The following MYO1B variants were observed in gnomAD, a reference collection of about 807,000 sequenced individuals.
The protein encoded by MYO1B is myosin IB, also known as unconventional myosin-Ib.
Under a neutral mutation model 159.7 loss-of-function variants are expected in MYO1B, and 72 were observed. The ratio of observed to expected loss-of-function variants is 0.45; its 90% confidence interval spans 0.37 to 0.55. The LOEUF (loss-of-function observed/expected upper bound fraction) is 0.55, where lower values mean the gene tolerates loss of function less well. Among genes scored for constraint, MYO1B ranks in the 20% least tolerant of loss-of-function variants. The probability of loss-of-function intolerance (pLI) is 0.00; values close to 1 mark genes in which losing one functional copy is unlikely to be tolerated. For missense variants in MYO1B, 1,062 were observed against 1,364.8 expected, an observed-to-expected ratio of 0.78 and a Z score of 3.50; for synonymous variants, 468 against 473.8, an observed-to-expected ratio of 0.99 and a Z score of 0.16.
At chr2:191,419,010 G>C (rs1007111899) in intron 30 of MYO1B, among the ~76,000 whole-genome samples, 7 of 152,166 alleles carry the variant, frequency 4.6e-5, no homozygotes, top group Non-Finnish European at 1.0e-4. Flanking sequence ...CCCTAAGATT[G>C]TAATGGAGCT....
At chr2:191,269,247 C>T (rs1446073062) in intron 1 of MYO1B, among the ~76,000 whole-genome samples, 3 of 152,132 alleles carry the variant, frequency 2.0e-5, no homozygotes, top group South Asian at 4.1e-4. Context: ...TAAGTGGGAT[C>T]GTATATTTCT....
rs759184653 is a variant in MYO1B, at chr2:191,387,262, T to C, written c.1593T>C (p.Asn531=). The C allele has an allele frequency of 1.1e-5, 18 of 1,614,044 alleles. No homozygotes were observed. The Admixed American group carries it at 1.2e-4, about 10-fold the overall frequency. The change falls in exon 17 of 31, where the codon AAT becomes AAC. Residue 531 remains asparagine, a synonymous_variant. Coordinates refer to ENST00000392318, the MANE Select transcript of MYO1B (RefSeq NM_001130158.3). ...YQVEGFVDKN[N]DLLYRDLSQA... ...TGGAAGGATTCGTTGACAAAAACAA[T>C]GACCTTCTCTATCGAGACCTGTCCC... is the stretch of plus-strand genomic sequence containing the variant.
chr2:191,390,061 A>G lies in MYO1B; in HGVS notation c.1782-231A>G, dbSNP rs377620824. Among the ~76,000 whole-genome samples, 16 of 152,324 alleles carry G rather than the reference A, an allele frequency of 1.1e-4. No individual in the cohort carries two copies. The East Asian group carries it at 2.5e-3, about 24-fold the overall frequency. On this transcript the variant is annotated intron_variant, in intron 17 of 30. Coordinates refer to ENST00000392318, the MANE Select transcript of MYO1B (RefSeq NM_001130158.3). ...TGAAATGTCAGTGATACTTATCCAC[A>G]TTATTGCATTTATTAGTGTGTTCTT...
chr2:191,307,756 C>T (rs1689740763), intron 3 of MYO1B, among the ~76,000 whole-genome samples: 1 of 152,184 alleles, frequency 6.6e-6, no homozygotes. Flanking sequence ...TTTCCATGAT[C>T]CTCAGGTTCA....
chr2:191,328,326 A>G (rs1383984481), intron 3 of MYO1B, among the ~76,000 whole-genome samples: 1 of 152,344 alleles, frequency 6.6e-6, no homozygotes, highest in East Asian at 1.9e-4. Flanking sequence ...ACTTGGCCAA[A>G]TATACACTCT....
chr2:191,407,928 T>C (rs1157841509), intron 24 of MYO1B, 187 bp from the exon 25 acceptor site: 1 of 412,890 alleles, frequency 2.4e-6, no homozygotes, highest in Non-Finnish European at 4.3e-6. Context: ...TCATTTTACA[T>C]TTCTTAATTT....
At chr2:191,349,120 A>G (rs1692754296) in intron 6 of MYO1B, among the ~76,000 whole-genome samples, 2 of 152,280 alleles carry the variant, frequency 1.3e-5, no homozygotes, top group African/African-American at 4.8e-5. Context: ...ACCTGTCTCA[A>G]TTCCCCCGCT....
At chr2:191,275,500 A>G (rs959971508) in intron 1 of MYO1B, among the ~76,000 whole-genome samples, 6 of 152,196 alleles carry the variant, frequency 3.9e-5, no homozygotes, top group Admixed American at 3.9e-4. Flanking sequence ...AACCAGACCA[A>G]CTAAATGTAG....
chr2:191,299,760 A>G (rs953541348), intron 3 of MYO1B, among the ~76,000 whole-genome samples: 1 of 152,232 alleles, frequency 6.6e-6, no homozygotes, highest in Non-Finnish European at 1.5e-5. Flanking sequence ...GAAAAACTTC[A>G]ACTCAGAGAA....
At chr2:191,263,970 A>C (rs755363696) in intron 1 of MYO1B, among the ~76,000 whole-genome samples, 1 of 152,184 alleles carries the variant, frequency 6.6e-6, no homozygotes, top group Non-Finnish European at 1.5e-5. Context: ...ATTTGTTTGT[A>C]GTGTCTTTTG....
intron 7 of MYO1B, among the ~76,000 whole-genome samples, chr2:191,355,507 A>C (rs1693216181): frequency 6.6e-6 from 1 of 152,170 alleles, no homozygotes; most frequent in African/African-American, 2.4e-5. Flanking sequence ...AAGGTTGAGG[A>C]AAGTGGCTTT....
At chr2:191,386,294 TG>T (rs1695395480) in intron 16 of MYO1B, among the ~76,000 whole-genome samples, 1 of 152,240 alleles carries the variant, frequency 6.6e-6, no homozygotes. Context: ...GCAAAGCTAA[TG>T]GACTTAATGA....
rs1417479923 is a variant in MYO1B at position 191,408,197 on chromosome 2, G to C, written c.2631+8G>C. On this transcript the variant is annotated splice_region_variant and intron_variant, in intron 25 of 30. Transcript: ENST00000392318. ...TTTACGCTTCAGAGAATTGTAAGTT[G>C]ACACTTTATATCTGTGGATAATCAG... 2 of 1,599,766 alleles carry C rather than the reference G, an allele frequency of 1.3e-6. No individual in the cohort carries two copies. Among genetic ancestry groups the C allele is most frequent in the East Asian group, 4.5e-5 (2 of 44,744 alleles).
chr2:191,341,645 GCTGGGAGGTATT>G, intron 5 of MYO1B, 80 bp downstream of exon 5: 1 of 1,083,444 alleles, frequency 9.2e-7, no homozygotes, highest in Non-Finnish European at 1.4e-6. Flanking sequence ...TACCTGGTCT[GCTGGGAGGTATT>G]CTGGGAGGGA....
At chr2:191,377,939 A>G (rs1181536130) in intron 13 of MYO1B, 1 of 151,878 alleles carries the variant, frequency 6.6e-6, no homozygotes. Flanking sequence ...ATAGATGCTG[A>G]TTTCTGTGGG....
intron 1 of MYO1B, among the ~76,000 whole-genome samples, chr2:191,256,694 A>T (rs1686472702): frequency 6.6e-6 from 1 of 152,220 alleles, no homozygotes; most frequent in Non-Finnish European, 1.5e-5. Context: ...TTACCTCTGT[A>T]CTAATAATAT....
intron 22 of MYO1B, 72 bp downstream of exon 22, chr2:191,400,540 A>C (rs935347111): frequency 1.0e-5 from 16 of 1,539,838 alleles, no homozygotes; most frequent in Non-Finnish European, 1.4e-5. Context: ...CCTCGGCTTC[A>C]GGGGCAGAAA....
At chr2:191,355,881 A>G (rs1339602956) in intron 7 of MYO1B, among the ~76,000 whole-genome samples, 1 of 152,168 alleles carries the variant, frequency 6.6e-6, no homozygotes, top group Non-Finnish European at 1.5e-5. Context: ...GATGGAACAG[A>G]TTACTCTGGA....
At chr2:191,385,617 A>G (rs1202083120) in intron 15 of MYO1B, among the ~76,000 whole-genome samples, 1 of 152,054 alleles carries the variant, frequency 6.6e-6, no homozygotes, top group Non-Finnish European at 1.5e-5. Flanking sequence ...GTCTGAGGCA[A>G]CTCCCAGGTA....
Sources: allele counts gnomAD v4.1 joint callset (sites outside exome capture counted in the v4.1 genomes callset), GRCh38; gene constraint gnomAD v4.1.1; transcripts MANE v1.5; gene names NCBI Gene and HGNC (gene_info 2026-07-23, HGNC 2026-07-21).